The following NAA30 variants were observed in gnomAD, a reference collection of about 807,000 sequenced individuals.
NAA30 encodes N-alpha-acetyltransferase 30.
NAA30 carries 5 observed loss-of-function variants against 31.4 expected under a neutral mutation model. That is an observed-to-expected ratio of 0.16 (90% confidence interval 0.08 to 0.33). NAA30 has a LOEUF of 0.33. Among genes scored for constraint, NAA30 ranks in the 10% least tolerant of loss-of-function variants. The probability of loss-of-function intolerance (pLI) is 1.00; values close to 1 mark genes in which losing one functional copy is unlikely to be tolerated. For missense variants in NAA30, 428 were observed against 490.8 expected, an observed-to-expected ratio of 0.87 and a Z score of 1.21; for synonymous variants, 222 against 207.1, an observed-to-expected ratio of 1.07 and a Z score of -0.62.
In NAA30 at chr14:57,415,155, T is replaced by A. The variant is rs1294981194; in HGVS notation, c.*5639T>A. The A allele has an allele frequency of 6.6e-6, 1 of 152,252 alleles. No homozygotes were observed. Among genetic ancestry groups the A allele is most frequent in the Non-Finnish European group, 1.5e-5 (1 of 68,042 alleles). The allele number at this position is 152,252 out of a possible 1,614,324, so 9.4% of individuals were successfully genotyped here. A position where few individuals can be genotyped will look rare whatever the true frequency, so the allele number is the denominator to read the frequency against. On this transcript the variant is annotated 3_prime_UTR_variant, in exon 5 of 5. Transcript: ENST00000556492. Reference sequence around the variant, plus strand: ...TTTACCATATACTAGGAGAAGGACCTGCTTTTAAAGAAATTGTGTAAAGAC... The same window carrying A: ...TTTACCATATACTAGGAGAAGGACCAGCTTTTAAAGAAATTGTGTAAAGAC...
rs2066541576 is a variant in NAA30, at chr14:57,415,071, T to C, written c.*5555T>C. ...CTACCTCTTTGCTGTATGAATATCTTAATTTTCTAATACCTCAGTTTCATG... is the reference window on the plus strand; with the variant it reads ...CTACCTCTTTGCTGTATGAATATCTCAATTTTCTAATACCTCAGTTTCATG... On this transcript the variant is annotated 3_prime_UTR_variant, in exon 5 of 5. Transcript: ENST00000556492. The C allele has an allele frequency of 6.6e-6, 1 of 152,234 alleles. No individual in the cohort carries two copies. The highest frequency in any genetic ancestry group is 1.5e-5 in the Non-Finnish European group (1 of 68,030). The allele number at this position is 152,234 out of a possible 1,614,324, so 9.4% of individuals were successfully genotyped here.
chr14:57,415,748 G>A lies in NAA30; in HGVS notation c.*6232G>A, dbSNP rs1421985729. 1 of 152,118 alleles carries A rather than the reference G, an allele frequency of 6.6e-6. No homozygotes were observed. The highest frequency in any genetic ancestry group is 2.4e-5 in the African/African-American group (1 of 41,406). The allele number at this position is 152,118 out of a possible 1,614,324, so 9.4% of individuals were successfully genotyped here. ...TTTCTCATGATTGTATATGGTTATT[G>A]ATCATTTTTAAGGGGCTGAACCTGC... On this transcript the variant is annotated 3_prime_UTR_variant, in exon 5 of 5. Transcript: ENST00000556492.
Position 57,391,130 on chromosome 14 carries a change from G to A in NAA30, c.173G>A (p.Gly58Asp), listed in dbSNP as rs746237071. 3.2e-6 allele frequency: 5 copies of A among 1,578,228 alleles called. No homozygotes were observed. Among genetic ancestry groups the A allele is most frequent in the Non-Finnish European group, 3.4e-6 (4 of 1,166,102 alleles). Residue 58 changes from glycine to aspartate, a missense_variant, in exon 2 of 5, where the codon GGC becomes GAC. This residue lies in a region of NAA30 where 349 missense variants were observed against 310.4 expected (regional missense o/e 1.12). Coordinates refer to ENST00000556492, the MANE Select transcript of NAA30 (RefSeq NM_001011713.3). This position sits in a 1 kb window ranked among gnomAD's most constrained non-coding sequence, Gnocchi z 4.1. ...HEGGGSRSPA[G>D]GESATVAAKG... ...GGCGGCGGCAGCAGGAGCCCGGCGG[G>A]CGGAGAGTCGGCGACGGTGGCGGCC...
At chr14:57,408,345 A>G (rs1594753885) in intron 4 of NAA30, among the ~76,000 whole-genome samples, 2 of 152,336 alleles carry the variant, frequency 1.3e-5, no homozygotes, top group East Asian at 1.9e-4. Context: ...AGTTGGGAAG[A>G]TGGGGTAGAG....
chr14:57,399,382 G>C (rs2139761423), intron 3 of NAA30, among the ~76,000 whole-genome samples: 1 of 152,306 alleles, frequency 6.6e-6, no homozygotes, highest in Middle Eastern at 3.4e-3. Flanking sequence ...CAGCAGTTCT[G>C]ATGAGGTTGT....
rs1438867843 is a variant in NAA30 at position 57,409,675 on chromosome 14, G to T, written c.*159G>T. The T allele has an allele frequency of 1.7e-6, 1 of 599,454 alleles. No individual in the cohort carries two copies. The highest frequency in any genetic ancestry group is 2.6e-6 in the Non-Finnish European group (1 of 382,604). 37.1% of individuals were successfully genotyped at this position (599,454 alleles called of 1,614,324 possible). On this transcript the variant is annotated 3_prime_UTR_variant, in exon 5 of 5. Coordinates refer to ENST00000556492, the MANE Select transcript of NAA30 (RefSeq NM_001011713.3). ...GTCGCACAATATTTGTTGCACTTTG[G>T]CATGGCACATTTGTTCTGAATTAAA...
intron 2 of NAA30, among the ~76,000 whole-genome samples, chr14:57,392,038 GC>G (rs1239062831): frequency 1.3e-5 from 2 of 152,038 alleles, no homozygotes; most frequent in Non-Finnish European, 2.9e-5. Context: ...TTAATTACCC[GC>G]CCGCATCCTC....
chr14:57,396,159 G>C (rs1227168170), intron 2 of NAA30, among the ~76,000 whole-genome samples: 1 of 152,052 alleles, frequency 6.6e-6, no homozygotes, highest in Non-Finnish European at 1.5e-5. Context: ...AATTTTGGTG[G>C]AGACAGGGTT....
intron 3 of NAA30, 104 bp downstream of exon 3, chr14:57,396,979 CTAAG>C (rs2066453378): frequency 2.7e-6 from 3 of 1,107,378 alleles, no homozygotes; most frequent in Non-Finnish European, 3.7e-6. Context: ...ATGAAAGAAA[CTAAG>C]GGAAGAAAAT....
At chr14:57,408,382 T>TG (rs1306897494) in intron 4 of NAA30, among the ~76,000 whole-genome samples, 2 of 152,116 alleles carry the variant, frequency 1.3e-5, no homozygotes, top group Non-Finnish European at 2.9e-5. Context: ...AAAAATAAAA[T>TG]CGCAGTTTTC....
In NAA30 at chr14:57,415,010, GAAAT is replaced by G. The variant is rs980146316; in HGVS notation, c.*5497_*5500del. 4 of 152,146 alleles carry G rather than the reference GAAAT, an allele frequency of 2.6e-5. No homozygotes were observed. The highest frequency in any genetic ancestry group is 1.3e-4 in the Admixed American group (2 of 15,274). The allele number at this position is 152,146 out of a possible 1,614,324, so 9.4% of individuals were successfully genotyped here. A position where few individuals can be genotyped will look rare whatever the true frequency, so the allele number is the denominator to read the frequency against. ...CTATGTAAGGTTTTTATAATGCTAA[GAAAT>G]AAGCTTATTTTTAGATATGGATTTT... is the stretch of plus-strand genomic sequence containing the variant. On this transcript the variant is annotated 3_prime_UTR_variant, in exon 5 of 5. Transcript: ENST00000556492.
At chr14:57,392,305 A>G (rs1300551652) in intron 2 of NAA30, among the ~76,000 whole-genome samples, 1 of 152,192 alleles carries the variant, frequency 6.6e-6, no homozygotes, top group Non-Finnish European at 1.5e-5. Flanking sequence ...ACTCCATTCC[A>G]GAAAGCGCTA....
At position 57,390,641 on chromosome 14, in the gene NAA30, G is replaced by C. The variant is rs12890810; in HGVS notation, c.-66G>C. On this transcript the variant is annotated 5_prime_UTR_variant, in exon 1 of 5. Coordinates refer to ENST00000556492, the MANE Select transcript of NAA30 (RefSeq NM_001011713.3). ...CGGCTGTGGAGGCTGCCGCGGCTGC[G>C]AAGGAGGCGGCGGCGGTGGCGGAGG... 5 of 357,428 alleles carry C rather than the reference G, an allele frequency of 1.4e-5. No individual in the cohort carries two copies. Among genetic ancestry groups the C allele is most frequent in the African/African-American group, 2.1e-5 (1 of 47,256 alleles). The allele number at this position is 357,428 out of a possible 1,614,324, so 22.1% of individuals were successfully genotyped here.
At position 57,391,735 on chromosome 14, in the gene NAA30, G is replaced by T; in HGVS notation, c.771+7G>T. On this transcript the variant is annotated splice_region_variant and intron_variant, in intron 2 of 4. Transcript: ENST00000556492. This position sits in a 1 kb window ranked among gnomAD's most constrained non-coding sequence, Gnocchi z 4.1. ...GCCACAGCTGTGCTTCTTGGTAAGTGGATAGAATAAAAAGAGGGTGAACCC... is the reference window on the plus strand; with the variant it reads ...GCCACAGCTGTGCTTCTTGGTAAGTTGATAGAATAAAAAGAGGGTGAACCC... The T allele has an allele frequency of 6.3e-7, 1 of 1,590,770 alleles. No individual in the cohort carries two copies.
At chr14:57,392,156 T>G (rs1270171759) in intron 2 of NAA30, among the ~76,000 whole-genome samples, 4 of 152,198 alleles carry the variant, frequency 2.6e-5, no homozygotes, top group Non-Finnish European at 4.4e-5. Flanking sequence ...ATAAACATGT[T>G]GTGGTGAACA....
intron 4 of NAA30, among the ~76,000 whole-genome samples, chr14:57,406,595 A>G (rs559385666): frequency 1.5e-4 from 23 of 152,336 alleles, no homozygotes; most frequent in Non-Finnish European, 3.1e-4. Flanking sequence ...AATGCTTTAC[A>G]TTGCACATAG....
At chr14:57,409,085 C>G (rs957894515) in intron 4 of NAA30, among the ~76,000 whole-genome samples, 3 of 152,076 alleles carry the variant, frequency 2.0e-5, no homozygotes, top group African/African-American at 7.2e-5. Context: ...TTACCTTTCC[C>G]CACAGGGAAA....
Position 57,391,808 on chromosome 14 carries a change from G to A in NAA30, c.771+80G>A. On this transcript the variant is annotated intron_variant, in intron 2 of 4. Coordinates refer to ENST00000556492, the MANE Select transcript of NAA30 (RefSeq NM_001011713.3). The surrounding 1 kb of genome is among the most constrained non-coding windows in gnomAD (Gnocchi z 4.1). The stretch of plus-strand genomic sequence containing the variant: ...GGCAGGGAGTGAGGGCCCAGAATGT[G>A]GCAGTGGATATCTCCTGCTGCGTAT... The A allele has an allele frequency of 9.1e-7, 1 of 1,100,966 alleles. No individual in the cohort carries two copies. The highest frequency in any genetic ancestry group is 2.2e-5 in the Admixed American group (1 of 45,600). The allele number at this position is 1,100,966 out of a possible 1,614,324, so 68.2% of individuals were successfully genotyped here. A position where few individuals can be genotyped will look rare whatever the true frequency, so the allele number is the denominator to read the frequency against.
intron 1 of NAA30, 100 bp downstream of exon 1, chr14:57,390,805 G>A (rs1382154958): frequency 1.4e-6 from 1 of 708,582 alleles, no homozygotes; most frequent in Non-Finnish European, 2.1e-6. Flanking sequence ...CTGAAGAGCG[G>A]GGGGGTGGCG....
Sources: gnomAD v4.1 joint callset for allele counts (sites outside exome capture counted in the v4.1 genomes callset) on GRCh38, gnomAD v4.1.1 for gene constraint, gnomAD v4.1.1 regional missense constraint, Gnocchi (gnomAD v3.1) non-coding constraint, MANE v1.5 for transcripts, NCBI Gene and HGNC (gene_info 2026-07-23, HGNC 2026-07-21) for gene names.